The following CSGALNACT1 variants were observed in gnomAD, a reference collection of about 807,000 sequenced individuals.
CSGALNACT1 encodes chondroitin sulfate N-acetylgalactosaminyltransferase 1.
In CSGALNACT1, 52 loss-of-function variants were observed where a neutral mutation model predicts 51.0. The observed-to-expected ratio is 1.02, with a 90% CI of 0.82 to 1.29. The LOEUF is 1.29. Ranked by LOEUF, CSGALNACT1 falls within the 50% of genes most tolerant of loss-of-function variation. The pLI is 0.00. For missense variants in CSGALNACT1, 935 were observed against 679.2 expected (o/e 1.38, Z -4.19); for synonymous variants, 341 against 254.4 (o/e 1.34, Z -3.24).
chr8:19,591,861 T>C (rs558132213), intron 2 of CSGALNACT1, among the ~76,000 whole-genome samples: 2 of 152,286 alleles, frequency 1.3e-5, no homozygotes, highest in Admixed American at 6.5e-5. Context: ...TTTAATATAT[T>C]ACAGTATTTG....
At chr8:19,438,617 G>C (rs1308455971) in intron 6 of CSGALNACT1, among the ~76,000 whole-genome samples, 1 of 152,192 alleles carries the variant, frequency 6.6e-6, no homozygotes, top group Non-Finnish European at 1.5e-5. Context: ...AAACAGTTTA[G>C]GCTTTGTGAG....
At chr8:19,441,500 A>T (rs1466870182) in intron 5 of CSGALNACT1, among the ~76,000 whole-genome samples, 3 of 152,228 alleles carry the variant, frequency 2.0e-5, no homozygotes, top group Non-Finnish European at 4.4e-5. Flanking sequence ...TGGTGCTGGG[A>T]AAACTGGCTA....
At chr8:19,408,780 G>T in intron 8 of CSGALNACT1, 86 bp from the exon 8 acceptor site, 1 of 1,158,470 alleles carries the variant, frequency 8.6e-7, no homozygotes, top group Non-Finnish European at 1.3e-6. Context: ...CCACCGTGGA[G>T]TGTGGAGCCC....
At chr8:19,494,355 A>G (rs1055988913) in intron 4 of CSGALNACT1, among the ~76,000 whole-genome samples, 5 of 152,150 alleles carry the variant, frequency 3.3e-5, no homozygotes, top group Non-Finnish European at 7.4e-5. Flanking sequence ...ATCTTGCAAA[A>G]CATGCTCAAG....
intron 3 of CSGALNACT1, among the ~76,000 whole-genome samples, chr8:19,515,450 TC>T (rs928190719): frequency 1.2e-4 from 19 of 152,154 alleles, no homozygotes; most frequent in African/African-American, 3.4e-4. Flanking sequence ...AGTCAGGAAT[TC>T]CCTAGTTGGG....
intron 1 of CSGALNACT1, among the ~76,000 whole-genome samples, chr8:19,728,250 A>T (rs1227180715): frequency 1.3e-5 from 2 of 152,220 alleles, no homozygotes; most frequent in Admixed American, 1.3e-4. Flanking sequence ...AAACACTATG[A>T]TAATTTCTAC....
At chr8:19,533,882 T>C (rs1587959392) in intron 3 of CSGALNACT1, among the ~76,000 whole-genome samples, 1 of 149,968 alleles carries the variant, frequency 6.7e-6, no homozygotes, top group African/African-American at 2.5e-5. Context: ...GTCAAAATAA[T>C]AAGATGTTTA....
upstream of CSGALNACT1, among the ~76,000 whole-genome samples, chr8:19,605,628 G>A (rs146179252): frequency 6.6e-6 from 1 of 152,102 alleles, no homozygotes; most frequent in Non-Finnish European, 1.5e-5. Context: ...AGTAAGAGGA[G>A]GCAGGATGTG....
At chr8:19,467,088 C>T (rs1032568172) in intron 4 of CSGALNACT1, among the ~76,000 whole-genome samples, 1 of 142,154 alleles carries the variant, frequency 7.0e-6, no homozygotes, top group African/African-American at 2.6e-5. Flanking sequence ...CTTCTCATTT[C>T]ACCATTGGTA....
chr8:19,551,656 G>T (rs1463749296), intron 3 of CSGALNACT1, among the ~76,000 whole-genome samples: 1 of 152,082 alleles, frequency 6.6e-6, no homozygotes, highest in Non-Finnish European at 1.5e-5. Context: ...CAATCAATCT[G>T]CTTTGGGTTG....
chr8:19,546,474 C>T (rs2086498441), intron 3 of CSGALNACT1, among the ~76,000 whole-genome samples: 1 of 152,144 alleles, frequency 6.6e-6, no homozygotes, highest in African/African-American at 2.4e-5. Flanking sequence ...TGCCTCACTA[C>T]TCTTCAATGA....
intron 8 of CSGALNACT1, among the ~76,000 whole-genome samples, chr8:19,409,879 T>C (rs1043105652): frequency 3.3e-5 from 5 of 152,226 alleles, no homozygotes; most frequent in East Asian, 1.9e-4. Context: ...TTTTTTTTCC[T>C]TATAAAACAA....
chr8:19,558,287 A>G (rs1301358361), intron 3 of CSGALNACT1, among the ~76,000 whole-genome samples: 1 of 152,184 alleles, frequency 6.6e-6, no homozygotes, highest in Non-Finnish European at 1.5e-5. Flanking sequence ...GCTCTTTAAC[A>G]TATCCAATGT....
chr8:19,589,047 G>A (rs978069887), intron 3 of CSGALNACT1, among the ~76,000 whole-genome samples: 5 of 152,136 alleles, frequency 3.3e-5, no homozygotes, highest in Non-Finnish European at 5.9e-5. Flanking sequence ...CCAGGGTCAC[G>A]GAGCTCTTGA....
At chr8:19,450,890 A>G (rs1438111157) in intron 5 of CSGALNACT1, among the ~76,000 whole-genome samples, 1 of 151,944 alleles carries the variant, frequency 6.6e-6, no homozygotes, top group Non-Finnish European at 1.5e-5. Flanking sequence ...AGACTGGGCT[A>G]CTGAGCTTTT....
chr8:19,461,512 A>G (rs113923935), intron 4 of CSGALNACT1, among the ~76,000 whole-genome samples: 1 of 146,680 alleles, frequency 6.8e-6, no homozygotes, highest in Non-Finnish European at 1.5e-5. Context: ...CACATTCACC[A>G]TGGGGGGCGT....
At position 19,654,328 on chromosome 8, in the gene CSGALNACT1, C is replaced by A. The variant is rs145636835; in HGVS notation, c.-544+28145G>T. ...CAAATAGGAAGGGAAGGAGTTCCAA[C>A]AGACTCAATGTTTAACCTTTAATAT... On this transcript the variant is annotated intron_variant, in intron 1 of 9. Coordinates refer to the CSGALNACT1 transcript ENST00000332246. 8.1e-4 allele frequency among the ~76,000 whole-genome samples: 123 copies of A among 152,282 alleles called. No individual in the cohort carries two copies. In the East Asian group the frequency reaches 0.018, roughly 23 times the overall value.
chr8:19,752,206 T>C (rs547440969), intron 1 of CSGALNACT1, among the ~76,000 whole-genome samples: 1 of 148,626 alleles, frequency 6.7e-6, no homozygotes, highest in Non-Finnish European at 1.5e-5. Context: ...CTATATATCT[T>C]ATATGATATA....
At chr8:19,631,157 T>A (rs955485503) in intron 1 of CSGALNACT1, among the ~76,000 whole-genome samples, 2 of 152,240 alleles carry the variant, frequency 1.3e-5, no homozygotes, top group African/African-American at 4.8e-5. Flanking sequence ...AAAGTTGCTA[T>A]AAGCATTTCA....
Sources: allele counts gnomAD v4.1 joint callset (sites outside exome capture counted in the v4.1 genomes callset), GRCh38; gene constraint gnomAD v4.1.1; transcripts MANE v1.5; gene names NCBI Gene and HGNC (gene_info 2026-07-23, HGNC 2026-07-21).